Variants in ARAP2 observed in about 807,000 individuals in gnomAD.
ARAP2 encodes ArfGAP with RhoGAP domain, ankyrin repeat and PH domain 2, also known as arf-GAP with Rho-GAP domain, ANK repeat and PH domain-containing protein 2.
In ARAP2, 148 loss-of-function variants were observed where a neutral mutation model predicts 194.5. That is an observed-to-expected ratio of 0.76 (90% confidence interval 0.67 to 0.87). The LOEUF (loss-of-function observed/expected upper bound fraction) is 0.87. ARAP2 is among the 40% of genes least tolerant of loss of function. ARAP2 has a pLI of 0.00. For missense variants in ARAP2, 2,128 were observed against 1,989.7 expected (o/e 1.07, Z -1.32); for synonymous variants, 695 against 683.5 (o/e 1.02, Z -0.26).
chr4:36,076,538 T>A (rs1190834121), intron 31 of ARAP2, among the ~76,000 whole-genome samples: 2 of 152,084 alleles, frequency 1.3e-5, no homozygotes, highest in East Asian at 3.9e-4. Flanking sequence ...TTGCTGTTTT[T>A]TTTTCTTCTG....
chr4:36,126,327 A>G (rs969832169), intron 21 of ARAP2, among the ~76,000 whole-genome samples: 2 of 152,062 alleles, frequency 1.3e-5, no homozygotes, highest in Non-Finnish European at 2.9e-5. Context: ...GCTAGTATGC[A>G]TATTTCCACA....
At chr4:36,013,206 C>G (rs1008657187) in intron 8 of ARAP2, among the ~76,000 whole-genome samples, 2 of 152,158 alleles carry the variant, frequency 1.3e-5, no homozygotes, top group Admixed American at 6.5e-5. Context: ...GGTAGGAAGA[C>G]CAGAAAAAGA....
chr4:36,072,983 C>T (rs1429940235), intron 32 of ARAP2, among the ~76,000 whole-genome samples: 1 of 152,114 alleles, frequency 6.6e-6, no homozygotes, highest in African/African-American at 2.4e-5. Flanking sequence ...CAAATTTAGG[C>T]TCAAGGAAGA....
chr4:36,110,863 C>G (rs2109484926), intron 26 of ARAP2, among the ~76,000 whole-genome samples: 1 of 152,036 alleles, frequency 6.6e-6, no homozygotes, highest in East Asian at 1.9e-4. Flanking sequence ...GCTGCCACAT[C>G]CATGGTGATT....
At chr4:36,014,329 A>G (rs1366843431) in intron 8 of ARAP2, among the ~76,000 whole-genome samples, 8 of 41,472 alleles carry the variant, frequency 1.9e-4, no homozygotes, top group Admixed American at 2.0e-4. Flanking sequence ...AAAGAGAGAA[A>G]GAAAGAAAGA....
intron 25 of ARAP2, 148 bp from the exon 26 acceptor site, chr4:36,114,435 A>T: frequency 1.7e-6 from 1 of 573,668 alleles, no homozygotes; most frequent in South Asian, 2.3e-5. Flanking sequence ...TCCCATACAG[A>T]AAACAGCATG....
chr4:36,136,507 C>A (rs1726734921), intron 19 of ARAP2, among the ~76,000 whole-genome samples: 1 of 151,568 alleles, frequency 6.6e-6, no homozygotes, highest in South Asian at 2.1e-4. Flanking sequence ...ATATTTGAGC[C>A]TAGTCTATGA....
chr4:36,142,568 A>T (rs892723275), intron 19 of ARAP2, among the ~76,000 whole-genome samples: 4 of 151,420 alleles, frequency 2.6e-5, no homozygotes, highest in African/African-American at 9.7e-5. Flanking sequence ...CACTTATCTT[A>T]TGGAGTATGT....
chr4:36,043,575 A>G (rs1721231888), intron 5 of ARAP2, among the ~76,000 whole-genome samples: 1 of 152,026 alleles, frequency 6.6e-6, no homozygotes, highest in South Asian at 2.1e-4. Flanking sequence ...TACAGTTTGA[A>G]GATGAAGCAA....
At chr4:36,106,983 A>G (rs563008099) in intron 27 of ARAP2, among the ~76,000 whole-genome samples, 1 of 152,054 alleles carries the variant, frequency 6.6e-6, no homozygotes, top group South Asian at 2.1e-4. Context: ...CAAAATAAAA[A>G]TTTTCTGAGA....
intron 19 of ARAP2, among the ~76,000 whole-genome samples, chr4:36,139,845 G>A (rs1479232949): frequency 6.6e-6 from 1 of 151,502 alleles, no homozygotes; most frequent in Non-Finnish European, 1.5e-5. Flanking sequence ...GAATTACTCT[G>A]CAATCCTTTC....
intron 6 of ARAP2, among the ~76,000 whole-genome samples, chr4:36,017,583 A>AAAAAAAAAAAAAAAC (rs1716082858): frequency 6.7e-6 from 1 of 150,060 alleles, no homozygotes; most frequent in East Asian, 1.9e-4. Context: ...AAAAAAAAAA[A>AAAAAAAAAAAAAAAC]AAAAGCTTTC....
At chr4:36,032,186 G>A (rs529847616) in intron 5 of ARAP2, among the ~76,000 whole-genome samples, 4 of 152,292 alleles carry the variant, frequency 2.6e-5, no homozygotes, top group East Asian at 1.9e-4. Context: ...AAGGCTAGGG[G>A]ATAGTTACTA....
chr4:36,137,486 C>T (rs1006841725), intron 19 of ARAP2, among the ~76,000 whole-genome samples: 4 of 151,782 alleles, frequency 2.6e-5, no homozygotes, highest in African/African-American at 9.7e-5. Context: ...CTTCTTTATA[C>T]ATGTCTGTGT....
At chr4:36,085,907 T>C (rs1007533024) in intron 28 of ARAP2, among the ~76,000 whole-genome samples, 4 of 152,118 alleles carry the variant, frequency 2.6e-5, no homozygotes, top group African/African-American at 7.2e-5. Flanking sequence ...TGGGGACTGA[T>C]CTTTGGATAT....
chr4:36,210,744 C>T lies in ARAP2; in HGVS notation c.1134-1G>A. The T allele has an allele frequency of 6.4e-7, 1 of 1,561,522 alleles. No homozygotes were observed. Among genetic ancestry groups the T allele is most frequent in the Non-Finnish European group, 8.6e-7 (1 of 1,157,250 alleles). On this transcript the variant is annotated splice_acceptor_variant, in intron 5 of 32. Coordinates refer to ENST00000303965, the MANE Select transcript of ARAP2 (RefSeq NM_015230.4). LOFTEE classifies it high-confidence loss of function. Reference sequence around the variant, plus strand: ...TTTCTCCTTTCTGTTATCGTATATGCTAAACGGAAAAATGATGTAAACATT... The same window carrying T: ...TTTCTCCTTTCTGTTATCGTATATGTTAAACGGAAAAATGATGTAAACATT...
At chr4:36,005,754 TAA>T (rs1713151776) in intron 10 of ARAP2, 1 of 152,060 alleles carries the variant, frequency 6.6e-6, no homozygotes. Context: ...CCAAATACAG[TAA>T]AGTGACAGTA....
chr4:36,022,152 T>C (rs1305770749), intron 5 of ARAP2, among the ~76,000 whole-genome samples: 1 of 152,188 alleles, frequency 6.6e-6, no homozygotes, highest in Non-Finnish European at 1.5e-5. Flanking sequence ...CATCATTGAC[T>C]GAAACATAAT....
chr4:36,135,823 T>G (rs1268941193), intron 19 of ARAP2, among the ~76,000 whole-genome samples: 1 of 151,822 alleles, frequency 6.6e-6, no homozygotes, highest in African/African-American at 2.4e-5. Flanking sequence ...TATAAAATCT[T>G]TGTAACTATT....
Sources: gnomAD v4.1 joint callset for allele counts (sites outside exome capture counted in the v4.1 genomes callset) on GRCh38, gnomAD v4.1.1 for gene constraint, MANE v1.5 for transcripts, NCBI Gene and HGNC (gene_info 2026-07-23, HGNC 2026-07-21) for gene names.